IGF2BP1: variants seen among roughly 807,000 people sequenced by gnomAD.
The protein encoded by IGF2BP1 is insulin-like growth factor 2 mRNA-binding protein 1.
A neutral mutation model predicts 74.9 loss-of-function variants in IGF2BP1; 11 were observed. The ratio of observed to expected loss-of-function variants is 0.15; its 90% CI spans 0.09 to 0.24. The LOEUF is 0.24. IGF2BP1 is among the 10% of genes least tolerant of loss of function. The pLI is 1.00. For synonymous variants in IGF2BP1, 287 were observed against 281.8 expected, an observed-to-expected ratio of 1.02 and a Z score of -0.18; for missense variants, 440 against 757.4, an observed-to-expected ratio of 0.58 and a Z score of 4.92.
At chr17:49,014,714 C>T (rs10853104) in intron 2 of IGF2BP1, 483,638 of 949,436 alleles carry the variant, frequency 0.51, 125,339 homozygotes, top group African/African-American at 0.67. Flanking sequence ...GCGCAGCGGC[C>T]GCCACTTATG....
intron 14 of IGF2BP1, among the ~76,000 whole-genome samples, chr17:49,047,959 C>T (rs78743314): frequency 0.026 from 3,975 of 152,174 alleles, 168 homozygotes; most frequent in African/African-American, 0.091. Context: ...CAAGTGATGT[C>T]ACTGCTTCAG....
At chr17:49,038,659 C>T (rs543942194) in intron 6 of IGF2BP1, among the ~76,000 whole-genome samples, 83 of 152,220 alleles carry the variant, frequency 5.5e-4, no homozygotes, top group Middle Eastern at 3.4e-3. Context: ...TGCTAGGCCA[C>T]ACACTCGTAT....
intron 2 of IGF2BP1, among the ~76,000 whole-genome samples, chr17:49,001,430 T>C (rs913017774): frequency 8.5e-5 from 13 of 152,312 alleles, no homozygotes; most frequent in African/African-American, 2.9e-4. Flanking sequence ...AAATAATTCA[T>C]AAAAACCCAA....
Position 49,043,367 on chromosome 17 carries a change from G to T in IGF2BP1, c.1078-61G>T, listed in dbSNP as rs556174067. 7.5e-6 allele frequency: 12 copies of T among 1,596,220 alleles called. No homozygotes were observed. The East Asian group carries it at 2.5e-4, about 33-fold the overall frequency. On this transcript the variant is annotated intron_variant, in intron 9 of 14. Transcript: ENST00000290341. Reference sequence around the variant, plus strand: ...GGGCTACTCGCCTTTTATACAGCGGGGGTCACACACAAGCCCCTGTCAGGG... The same window carrying T: ...GGGCTACTCGCCTTTTATACAGCGGTGGTCACACACAAGCCCCTGTCAGGG...
At chr17:49,029,139 C>T (rs1389391692) in intron 4 of IGF2BP1, among the ~76,000 whole-genome samples, 1 of 149,200 alleles carries the variant, frequency 6.7e-6, no homozygotes, top group Non-Finnish European at 1.5e-5. Flanking sequence ...GCAGTCATCA[C>T]TGTCAAATAT....
chr17:49,018,985 G>A (rs1034885051), intron 2 of IGF2BP1, among the ~76,000 whole-genome samples: 7 of 152,142 alleles, frequency 4.6e-5, no homozygotes, highest in Admixed American at 1.3e-4. Context: ...GGGAATTGGG[G>A]CCCCAAACTA....
chr17:49,046,631 A>G (rs2042110326), intron 14 of IGF2BP1, among the ~76,000 whole-genome samples: 1 of 149,512 alleles, frequency 6.7e-6, no homozygotes, highest in Non-Finnish European at 1.5e-5. Flanking sequence ...CATTATATAT[A>G]TAAATAACAT....
At chr17:48,999,490 G>A (rs2041458417) in intron 2 of IGF2BP1, among the ~76,000 whole-genome samples, 1 of 151,930 alleles carries the variant, frequency 6.6e-6, no homozygotes, top group Non-Finnish European at 1.5e-5. Context: ...TTTTTTGTGG[G>A]GGAACCTTAA....
chr17:49,015,875 G>A (rs1227264568), intron 2 of IGF2BP1, among the ~76,000 whole-genome samples: 3 of 152,160 alleles, frequency 2.0e-5, no homozygotes, highest in Non-Finnish European at 2.9e-5. Flanking sequence ...TGACCCCACC[G>A]CCACTTAGCA....
chr17:49,055,391 T>C lies in IGF2BP1; in HGVS notation c.*5947T>C, dbSNP rs943373508. ...TGCCAGTGAGTCCTTCCTGTGCTTC[T>C]CTCCCTTCTCCCCTCCCAGCCAGCT... is the stretch of plus-strand genomic sequence containing the variant. On this transcript the variant is annotated 3_prime_UTR_variant, in exon 15 of 15. Transcript: ENST00000290341. 2.8e-6 allele frequency: 1 copy of C among 356,336 alleles called. No individual in the cohort carries two copies. Among genetic ancestry groups the C allele is most frequent in the Non-Finnish European group, 5.0e-6 (1 of 199,362 alleles). 22.1% of individuals were successfully genotyped at this position (356,336 alleles called of 1,614,324 possible).
chr17:49,055,406 C>G lies in IGF2BP1; in HGVS notation c.*5962C>G. On this transcript the variant is annotated 3_prime_UTR_variant, in exon 15 of 15. Transcript: ENST00000290341. The stretch of plus-strand genomic sequence containing the variant: ...CCTGTGCTTCTCTCCCTTCTCCCCT[C>G]CCAGCCAGCTGACTTCAGTCACCCC... 2 of 367,576 alleles carry G rather than the reference C, an allele frequency of 5.4e-6. No individual in the cohort carries two copies. Among genetic ancestry groups the G allele is most frequent in the Non-Finnish European group, 9.7e-6 (2 of 206,686 alleles). The allele number at this position is 367,576 out of a possible 1,614,324, so 22.8% of individuals were successfully genotyped here. A position where few individuals can be genotyped will look rare whatever the true frequency, so the allele number is the denominator to read the frequency against.
chr17:49,042,921 C>T (rs1233786903), intron 9 of IGF2BP1, among the ~76,000 whole-genome samples: 1 of 152,062 alleles, frequency 6.6e-6, no homozygotes, highest in Non-Finnish European at 1.5e-5. Flanking sequence ...TGGGCTCAAG[C>T]GATTCTCCTA....
At chr17:49,036,759 G>C (rs950903776) in intron 5 of IGF2BP1, 2 of 153,012 alleles carry the variant, frequency 1.3e-5, no homozygotes, top group African/African-American at 4.8e-5. Flanking sequence ...AGACCAGCCT[G>C]ACCAACATGG....
Position 49,038,275 on chromosome 17 carries a change from G to T in IGF2BP1, c.509G>T (p.Gly170Val). The change falls in exon 6 of 15, where the codon GGC (glycine) becomes GTC (valine). Residue 170 changes from glycine (G) to valine (V), a missense_variant. Around this residue, in one of 5 missense-constraint regions of IGF2BP1, gnomAD observed 184 missense variants for 273.4 expected, o/e 0.67. Coordinates refer to ENST00000290341, the MANE Select transcript of IGF2BP1 (RefSeq NM_006546.4). Reference protein sequence around the residue: ...AQGPENGRRGGFGSRGQPRQG... With the variant: ...AQGPENGRRGVFGSRGQPRQG... ...GGACCTGAGAATGGGCGCCGAGGGG[G>T]CTTTGGCTCTCGGGGTCAGCCCCGC... 2 of 1,602,172 alleles carry T rather than the reference G, an allele frequency of 1.2e-6. No homozygotes were observed. Among genetic ancestry groups the T allele is most frequent in the Non-Finnish European group, 1.7e-6 (2 of 1,174,094 alleles).
intron 2 of IGF2BP1, among the ~76,000 whole-genome samples, chr17:49,017,099 G>C (rs1188300843): frequency 1.3e-5 from 2 of 151,984 alleles, no homozygotes; most frequent in Admixed American, 1.3e-4. Context: ...GCACCTTAGG[G>C]CAACTTCCAG....
intron 6 of IGF2BP1, among the ~76,000 whole-genome samples, 188 bp from the exon 7 acceptor site, chr17:49,039,769 A>G (rs1426418940): frequency 6.6e-6 from 1 of 152,168 alleles, no homozygotes; most frequent in Non-Finnish European, 1.5e-5. Context: ...CTGAGACAGA[A>G]TCCACAGTAA....
chr17:49,012,546 G>A (rs35051752), intron 2 of IGF2BP1: 54,181 of 151,784 alleles, frequency 0.36, 10,197 homozygotes, highest in African/African-American at 0.42. Flanking sequence ...ACCAGGGCTG[G>A]AGCTTTAGGC....
chr17:49,046,660 T>C (rs1218381053), intron 14 of IGF2BP1, among the ~76,000 whole-genome samples: 2 of 149,102 alleles, frequency 1.3e-5, no homozygotes, highest in Admixed American at 6.7e-5. Flanking sequence ...ATATATATTA[T>C]ATGTAAATAT....
intron 5 of IGF2BP1, 101 bp from the exon 6 acceptor site, chr17:49,038,067 T>G: frequency 1.9e-6 from 2 of 1,076,878 alleles, no homozygotes; most frequent in Non-Finnish European, 2.5e-6. Flanking sequence ...TTTTCTTTAG[T>G]GTGTTCCAAG....
Sources: gnomAD v4.1 joint callset for allele counts (sites outside exome capture counted in the v4.1 genomes callset) on GRCh38, gnomAD v4.1.1 for gene constraint, gnomAD v4.1.1 regional missense constraint, MANE v1.5 for transcripts, NCBI Gene and HGNC (gene_info 2026-07-23, HGNC 2026-07-21) for gene names.